Variants in PRTFDC1 observed in about 807,000 individuals in gnomAD.
PRTFDC1 encodes phosphoribosyl transferase domain containing 1.
In PRTFDC1, 38 loss-of-function variants were observed where a neutral mutation model predicts 34.6. The observed-to-expected ratio is 1.10, with a 90% CI of 0.85 to 1.44. PRTFDC1 has a LOEUF of 1.44. PRTFDC1 is among the 40% of genes most tolerant of loss of function. The pLI is 0.00. For synonymous variants in PRTFDC1, 93 were observed against 98.1 expected, an observed-to-expected ratio of 0.95 and a Z score of 0.31; for missense variants, 270 against 283.0, an observed-to-expected ratio of 0.95 and a Z score of 0.33.
At chr10:24,917,016 C>A (rs1848706119) in intron 3 of PRTFDC1, among the ~76,000 whole-genome samples, 1 of 152,180 alleles carries the variant, frequency 6.6e-6, no homozygotes, top group Admixed American at 6.5e-5. Context: ...ATTCGAGGAT[C>A]CAGGCTCTGT....
intron 3 of PRTFDC1, among the ~76,000 whole-genome samples, chr10:24,930,516 G>A (rs1848954730): frequency 6.6e-6 from 1 of 152,164 alleles, no homozygotes; most frequent in Non-Finnish European, 1.5e-5. Flanking sequence ...TTAGGTGAAT[G>A]TCAAAATAAA....
rs1010634698 is a variant in PRTFDC1 at position 24,849,224 on chromosome 10, G to A, written c.*620C>T. Reference sequence around the variant, plus strand: ...ACCGGAAGCTCCAATCAAGAGCCCCGAGCAAAGCTCGTTTCATAACATCAT... The same window carrying A: ...ACCGGAAGCTCCAATCAAGAGCCCCAAGCAAAGCTCGTTTCATAACATCAT... On this transcript the variant is annotated 3_prime_UTR_variant, in exon 9 of 9. Transcript: ENST00000320152. 2 of 152,612 alleles carry A rather than the reference G, an allele frequency of 1.3e-5. No homozygotes were observed. Among genetic ancestry groups the A allele is most frequent in the African/African-American group, 2.4e-5 (1 of 41,404 alleles). The allele number at this position is 152,612 out of a possible 1,614,324, so 9.5% of individuals were successfully genotyped here.
chr10:24,849,849 CT>C lies in PRTFDC1; in HGVS notation c.672del (p.Val225SerfsTer9). On this transcript the variant is annotated frameshift_variant, in exon 9 of 9. Transcript: ENST00000320152. LOFTEE classifies it high-confidence loss of function. ...VINEHGKEKY[R>X]V ...AGTGGTGAGAATTCATGTCTTTAGA[CT>C]CGATATTTTTCTTTACCGTGCTCAT... The C allele has an allele frequency of 6.2e-7, 1 of 1,613,830 alleles. No homozygotes were observed.
chr10:24,867,609 T>G (rs1588579000), intron 4 of PRTFDC1: 1 of 152,254 alleles, frequency 6.6e-6, no homozygotes, highest in Non-Finnish European at 1.5e-5. Context: ...GCTGGTCCAC[T>G]TATGTCCAGT....
chr10:24,952,065 A>C lies in PRTFDC1; in HGVS notation c.48+463T>G, dbSNP rs558485607. ...ATCTCAAGCTCTGTCCACTTGAGCTACTTTATTTCCTAGCTGCCTTCAAAA... is the reference window on the plus strand; with the variant it reads ...ATCTCAAGCTCTGTCCACTTGAGCTCCTTTATTTCCTAGCTGCCTTCAAAA... On this transcript the variant is annotated intron_variant, in intron 1 of 8. Transcript: ENST00000320152. The surrounding 1 kb of genome is among the most constrained non-coding windows in gnomAD (Gnocchi z 5.1). Among the ~76,000 whole-genome samples the C allele has an allele frequency of 9.2e-5, 14 of 152,338 alleles. No individual in the cohort carries two copies. The highest frequency in any genetic ancestry group is 3.4e-4 in the African/African-American group (14 of 41,588).
At chr10:24,864,467 C>T (rs1394563005) in intron 4 of PRTFDC1, among the ~76,000 whole-genome samples, 1 of 152,144 alleles carries the variant, frequency 6.6e-6, no homozygotes, top group East Asian at 1.9e-4. Context: ...CCTTCTGAAG[C>T]ACCCACCAGC....
intron 3 of PRTFDC1, among the ~76,000 whole-genome samples, chr10:24,892,895 C>T (rs774417911): frequency 6.6e-5 from 10 of 152,082 alleles, no homozygotes; most frequent in African/African-American, 9.7e-5. Flanking sequence ...TTTTTAAACC[C>T]GCCACATAAA....
intron 2 of PRTFDC1, among the ~76,000 whole-genome samples, chr10:24,939,193 C>A (rs1395495440): frequency 1.3e-5 from 2 of 150,370 alleles, no homozygotes; most frequent in Non-Finnish European, 3.0e-5. Context: ...CCCAGCTACT[C>A]AGGAAGCTGA....
intron 3 of PRTFDC1, among the ~76,000 whole-genome samples, chr10:24,902,968 G>A (rs1360962154): frequency 6.6e-6 from 1 of 152,162 alleles, no homozygotes; most frequent in African/African-American, 2.4e-5. Context: ...AGGCCAAGGC[G>A]GGTGGATCAC....
At chr10:24,897,024 A>C (rs967547000) in intron 3 of PRTFDC1, among the ~76,000 whole-genome samples, 1 of 152,190 alleles carries the variant, frequency 6.6e-6, no homozygotes, top group Non-Finnish European at 1.5e-5. Flanking sequence ...AGCCTGGGAA[A>C]CATGGCAAAA....
intron 4 of PRTFDC1, among the ~76,000 whole-genome samples, chr10:24,865,092 G>C (rs142159647): frequency 6.6e-6 from 1 of 152,032 alleles, no homozygotes; most frequent in Non-Finnish European, 1.5e-5. Flanking sequence ...CTCCAGCCTG[G>C]GTGACAGAGT....
intron 7 of PRTFDC1, among the ~76,000 whole-genome samples, chr10:24,854,865 G>A (rs1245391820): frequency 6.6e-6 from 1 of 152,140 alleles, no homozygotes; most frequent in African/African-American, 2.4e-5. Context: ...GCGTTGTCTG[G>A]TAATAGTTCC....
At chr10:24,876,833 A>ACCCCCCCCC (rs1361345878) in intron 3 of PRTFDC1, among the ~76,000 whole-genome samples, 11 of 99,098 alleles carry the variant, frequency 1.1e-4, no homozygotes, top group South Asian at 3.7e-4. Flanking sequence ...CTTTCCCCCA[A>ACCCCCCCCC]CCCCCCGCCC....
intron 3 of PRTFDC1, among the ~76,000 whole-genome samples, chr10:24,872,813 T>A (rs1354583077): frequency 0.014 from 1,901 of 136,710 alleles, 58 homozygotes; most frequent in African/African-American, 0.051. Context: ...TATATTTTTT[T>A]TTTTTTTTTT....
chr10:24,866,849 T>TA (rs927370815), intron 4 of PRTFDC1, among the ~76,000 whole-genome samples: 1 of 141,484 alleles, frequency 7.1e-6, no homozygotes, highest in Non-Finnish European at 1.5e-5. Context: ...AAAGGAATTT[T>TA]AAAAAAAGCA....
intron 3 of PRTFDC1, among the ~76,000 whole-genome samples, chr10:24,885,639 C>A (rs1260345192): frequency 6.6e-6 from 1 of 152,206 alleles, no homozygotes; most frequent in African/African-American, 2.4e-5. Flanking sequence ...CTCCTGACCT[C>A]AAGTGATCTG....
Position 24,935,030 on chromosome 10 carries a change from G to T in PRTFDC1, c.339+2154C>A, listed in dbSNP as rs117835622. On this transcript the variant is annotated intron_variant, in intron 3 of 8. Coordinates refer to ENST00000320152, the MANE Select transcript of PRTFDC1 (RefSeq NM_020200.7). ...CTTTAGGAAAAGAAAACGTATCTGT[G>T]GTTTCCAGGGCTTAGGGGTTCAGGA... Among the ~76,000 whole-genome samples, 115 of 152,226 alleles carry T rather than the reference G, an allele frequency of 7.6e-4. 1 individual carries two copies. The East Asian group carries it at 0.017, about 22-fold the overall frequency.
At chr10:24,858,524 C>T in intron 4 of PRTFDC1, 115 bp from the exon 5 acceptor site, 1 of 1,043,866 alleles carries the variant, frequency 9.6e-7, no homozygotes, top group Non-Finnish European at 1.5e-6. Context: ...GGTCCTTCCC[C>T]ATCCATCTAA....
At chr10:24,918,320 T>A (rs1351754058) in intron 3 of PRTFDC1, among the ~76,000 whole-genome samples, 1 of 151,012 alleles carries the variant, frequency 6.6e-6, no homozygotes, top group Non-Finnish European at 1.5e-5. Context: ...GAGGTCACTT[T>A]TAACTATATC....
Sources: allele counts gnomAD v4.1 joint callset (sites outside exome capture counted in the v4.1 genomes callset), GRCh38; gene constraint gnomAD v4.1.1; non-coding constraint Gnocchi (gnomAD v3.1); transcripts MANE v1.5; gene names NCBI Gene and HGNC (gene_info 2026-07-23, HGNC 2026-07-21).